SLC17A1: variants seen among roughly 807,000 people sequenced by gnomAD.
SLC17A1 encodes sodium-dependent phosphate transport protein 1.
In SLC17A1, 51 loss-of-function variants were observed where a neutral mutation model predicts 53.5. That is an observed-to-expected ratio of 0.95 (90% CI 0.76 to 1.20). SLC17A1 has a LOEUF of 1.20. SLC17A1 is among the 50% of genes most tolerant of loss of function. The pLI is 0.00. For synonymous variants in SLC17A1, 179 were observed against 198.8 expected (o/e 0.90, Z 0.84); for missense variants, 538 against 568.2 (o/e 0.95, Z 0.54).
chr6:25,780,732 T>A (rs552268606), downstream of SLC17A1: 4 of 152,106 alleles, frequency 2.6e-5, no homozygotes, highest in Non-Finnish European at 5.9e-5. Context: ...TACAGTGTAG[T>A]CCAGGAGAGA....
intron 6 of SLC17A1, among the ~76,000 whole-genome samples, chr6:25,815,830 A>T (rs1764332062): frequency 6.6e-6 from 1 of 151,726 alleles, no homozygotes; most frequent in African/African-American, 2.4e-5. Flanking sequence ...GTGCTACCTC[A>T]ACTGTGCAGT....
chr6:25,792,227 T>C (rs73383219), intron 12 of SLC17A1, among the ~76,000 whole-genome samples: 3,337 of 152,338 alleles, frequency 0.022, 96 homozygotes, highest in African/African-American at 0.068. Context: ...TTCAGCTGTA[T>C]TGACCAACCA....
the SLC17A1 span, among the ~76,000 whole-genome samples, chr6:25,724,448 T>G: frequency 6.6e-6 from 1 of 152,238 alleles, no homozygotes; most frequent in Non-Finnish European, 1.5e-5. Context: ...CAGAAACTTC[T>G]GTAGGTAAAT....
At chr6:25,810,725 A>G (rs563535804) in intron 10 of SLC17A1, among the ~76,000 whole-genome samples, 4 of 152,324 alleles carry the variant, frequency 2.6e-5, no homozygotes, top group Non-Finnish European at 2.9e-5. Context: ...TATAACCACT[A>G]TATGATCCAG....
the SLC17A1 span, chr6:25,727,114 C>G: frequency 6.2e-7 from 1 of 1,614,238 alleles, no homozygotes; most frequent in South Asian, 1.1e-5. Context: ...TCCTTCGTCA[C>G]TGATATCTTT....
At chr6:25,770,373 T>G in the SLC17A1 span, 3 of 1,614,070 alleles carry the variant, frequency 1.9e-6, no homozygotes, top group South Asian at 1.1e-5. Flanking sequence ...GAATGGAATT[T>G]TTCCCCCCAG....
the SLC17A1 span, chr6:25,726,986 G>A: frequency 9.9e-6 from 16 of 1,614,026 alleles, no homozygotes; most frequent in Middle Eastern, 1.6e-4. Flanking sequence ...CCCAGAAAAA[G>A]GAAGGCAAAA....
At chr6:25,779,351 C>A, downstream of SLC17A1, 1 of 891,982 alleles carries the variant, frequency 1.1e-6, no homozygotes, top group Non-Finnish European at 1.7e-6. Flanking sequence ...GGGAAGAAAA[C>A]ACGCTAGTTA....
the SLC17A1 span, among the ~76,000 whole-genome samples, chr6:25,766,221 A>G: frequency 6.6e-6 from 1 of 151,614 alleles, no homozygotes; most frequent in East Asian, 1.9e-4. Flanking sequence ...AGAAAAAATT[A>G]TACATGTCAA....
At chr6:25,790,857 GATCATCTACCCGA>G (rs1763485262) in intron 12 of SLC17A1, among the ~76,000 whole-genome samples, 1 of 152,084 alleles carries the variant, frequency 6.6e-6, no homozygotes, top group African/African-American at 2.4e-5. Context: ...AAATGATGAG[GATCATCTACCCGA>G]AAACACAAGA....
the SLC17A1 span, among the ~76,000 whole-genome samples, chr6:25,750,686 T>C: frequency 4.0e-5 from 6 of 151,676 alleles, no homozygotes; most frequent in South Asian, 2.1e-4. Context: ...AGCACTTGTA[T>C]AGGAAACTGG....
At chr6:25,776,857 G>T in the SLC17A1 span, 1 of 1,613,962 alleles carries the variant, frequency 6.2e-7, no homozygotes, top group Non-Finnish European at 8.5e-7. Flanking sequence ...CCCTGGGTCA[G>T]ATCCAGCCAC....
intron 12 of SLC17A1, among the ~76,000 whole-genome samples, chr6:25,796,221 T>C (rs916530679): frequency 2.6e-5 from 4 of 152,208 alleles, no homozygotes; most frequent in Non-Finnish European, 5.9e-5. Flanking sequence ...ATTTTTAAAC[T>C]GCTGGTTATA....
intron 12 of SLC17A1, among the ~76,000 whole-genome samples, chr6:25,792,342 G>C (rs1342939706): frequency 6.6e-6 from 1 of 152,144 alleles, no homozygotes; most frequent in Non-Finnish European, 1.5e-5. Context: ...AAAAACCTAG[G>C]TGGGGCTTCA....
chr6:25,770,998 T>C, the SLC17A1 span: 1 of 1,613,468 alleles, frequency 6.2e-7, no homozygotes, highest in Non-Finnish European at 8.5e-7. Context: ...TGGCCTTACG[T>C]CTTCTATATC....
intron 12 of SLC17A1, among the ~76,000 whole-genome samples, chr6:25,791,514 C>G (rs994598752): frequency 2.0e-5 from 3 of 152,010 alleles, no homozygotes; most frequent in Admixed American, 6.6e-5. Flanking sequence ...GAGAGGAAAA[C>G]GCAAATTATT....
At chr6:25,782,398 C>T (rs189774982), downstream of SLC17A1, among the ~76,000 whole-genome samples, 2 of 152,214 alleles carry the variant, frequency 1.3e-5, no homozygotes, top group Admixed American at 1.3e-4. Flanking sequence ...TATTTTGTAG[C>T]ATCTTTAACA....
chr6:25,776,955 C>A, the SLC17A1 span: 1 of 1,610,646 alleles, frequency 6.2e-7, no homozygotes. Context: ...GGATATTGCT[C>A]CTCGGTAGGG....
the SLC17A1 span, chr6:25,768,391 A>G: frequency 1.0e-6 from 1 of 987,594 alleles, no homozygotes; most frequent in South Asian, 4.7e-5. Context: ...GGACTCAACC[A>G]CAGGGATATC....
Sources: gnomAD v4.1 joint callset for allele counts (sites outside exome capture counted in the v4.1 genomes callset) on GRCh38, gnomAD v4.1.1 for gene constraint, MANE v1.5 for transcripts, NCBI Gene and HGNC (gene_info 2026-07-23, HGNC 2026-07-21) for gene names.